LRP1B: variants seen among roughly 807,000 people sequenced by gnomAD.
LRP1B encodes LDL receptor related protein 1B.
Under a neutral mutation model 556.6 loss-of-function variants are expected in LRP1B, and 217 were observed. The ratio of observed to expected loss-of-function variants is 0.39; its 90% CI spans 0.35 to 0.44. LRP1B has a LOEUF of 0.44. Ranked by LOEUF, LRP1B falls within the 20% of genes least tolerant of loss-of-function variation. The pLI, the probability that LRP1B is intolerant of heterozygous loss-of-function variation, is 1.00. For synonymous variants in LRP1B, 2,047 were observed against 1,865.8 expected, an observed-to-expected ratio of 1.10 and a Z score of -2.50; for missense variants, 5,053 against 5,620.8, an observed-to-expected ratio of 0.90 and a Z score of 3.23.
At chr2:140,304,425 TTTCATG>T (rs949186757) in intron 83 of LRP1B, among the ~76,000 whole-genome samples, 51 of 152,340 alleles carry the variant, frequency 3.3e-4, no homozygotes, top group African/African-American at 1.2e-3. Flanking sequence ...ATGAGCATTT[TTTCATG>T]TGTCTGTTGG....
At chr2:141,705,178 G>T (rs533503940) in intron 2 of LRP1B, among the ~76,000 whole-genome samples, 1 of 152,014 alleles carries the variant, frequency 6.6e-6, no homozygotes, top group East Asian at 1.9e-4. Flanking sequence ...TTTGACTCTG[G>T]AACCACTGTA....
intron 1 of LRP1B, among the ~76,000 whole-genome samples, chr2:142,007,680 A>T (rs78534197): frequency 0.011 from 1,603 of 152,348 alleles, 10 homozygotes; most frequent in Non-Finnish European, 0.019. Context: ...GTCTTTAATT[A>T]ACTGCTACCC....
intron 2 of LRP1B, among the ~76,000 whole-genome samples, chr2:141,524,677 T>A (rs1195537036): frequency 6.6e-6 from 1 of 152,018 alleles, no homozygotes; most frequent in African/African-American, 2.4e-5. Flanking sequence ...GCAGCCCTCA[T>A]CTATGTAATT....
rs145943577 is a variant in LRP1B at position 141,104,569 on chromosome 2, G to A, written c.1014-42296C>T. ...TCTCTTATTGTGTTTCCTCTTCTCC[G>A]CTAGATTCAGTCTATAGTTCAGGTT... On this transcript the variant is annotated intron_variant, in intron 7 of 90. Coordinates refer to ENST00000389484, the MANE Select transcript of LRP1B (RefSeq NM_018557.3). Among the ~76,000 whole-genome samples the A allele has an allele frequency of 4.9e-4, 75 of 152,076 alleles. No homozygotes were observed. In the Middle Eastern group the frequency reaches 0.014, roughly 28 times the overall value.
At chr2:140,812,821 T>A (rs1288590572) in intron 32 of LRP1B, among the ~76,000 whole-genome samples, 1 of 152,086 alleles carries the variant, frequency 6.6e-6, no homozygotes, top group East Asian at 1.9e-4. Context: ...TATCATCCTG[T>A]AACCGCAAAT....
At chr2:140,414,509 T>A (rs968748852) in intron 66 of LRP1B, among the ~76,000 whole-genome samples, 15 of 152,162 alleles carry the variant, frequency 9.9e-5, no homozygotes. Context: ...CTGGTTGAGG[T>A]AATGCCTCTA....
chr2:141,969,763 T>C (rs1461688975), intron 1 of LRP1B, among the ~76,000 whole-genome samples: 1 of 151,618 alleles, frequency 6.6e-6, no homozygotes, highest in Non-Finnish European at 1.5e-5. Flanking sequence ...GGGTAAATCC[T>C]GGTAGAGGGA....
chr2:141,547,125 A>G (rs929601850), intron 2 of LRP1B, among the ~76,000 whole-genome samples: 1 of 152,198 alleles, frequency 6.6e-6, no homozygotes, highest in Non-Finnish European at 1.5e-5. Context: ...AAACGCATCT[A>G]AAACTGTACT....
intron 3 of LRP1B, among the ~76,000 whole-genome samples, chr2:141,390,587 A>G (rs758629816): frequency 2.4e-4 from 37 of 152,268 alleles, no homozygotes; most frequent in Non-Finnish European, 4.3e-4. Flanking sequence ...ACAATGTAAT[A>G]TTATTCAGAC....
intron 1 of LRP1B, among the ~76,000 whole-genome samples, chr2:142,031,851 G>C (rs1703723008): frequency 6.6e-6 from 1 of 151,754 alleles, no homozygotes; most frequent in South Asian, 2.1e-4. Context: ...TAGTGGAGTA[G>C]AATGGGCCCC....
At chr2:140,306,162 C>T (rs1049342674) in intron 83 of LRP1B, among the ~76,000 whole-genome samples, 5 of 149,130 alleles carry the variant, frequency 3.4e-5, no homozygotes, top group South Asian at 4.3e-4. Context: ...ATGATGCTGG[C>T]CTCATAAAAT....
rs1427283434 is a variant in LRP1B, at chr2:140,769,434, A to C, written c.5627-90T>G. 17 of 1,315,126 alleles carry C rather than the reference A, an allele frequency of 1.3e-5. No homozygotes were observed. In the East Asian group the frequency reaches 2.9e-4, roughly 22 times the overall value. The allele number at this position is 1,315,126 out of a possible 1,614,324, so 81.5% of individuals were successfully genotyped here. On this transcript the variant is annotated intron_variant, in intron 34 of 90. Transcript: ENST00000389484. ...AATTTCATTTGTATTATTTTTAACAATCTTAATTTATGTTAACAAATGTAT... is the reference window on the plus strand; with the variant it reads ...AATTTCATTTGTATTATTTTTAACACTCTTAATTTATGTTAACAAATGTAT...
chr2:141,056,186 A>T (rs1189148148), intron 9 of LRP1B, among the ~76,000 whole-genome samples: 1 of 151,614 alleles, frequency 6.6e-6, no homozygotes, highest in East Asian at 2.0e-4. Context: ...AATTTTTACT[A>T]ATTTTTTCCT....
intron 65 of LRP1B, among the ~76,000 whole-genome samples, chr2:140,443,945 A>G (rs904838898): frequency 6.6e-6 from 1 of 152,188 alleles, no homozygotes; most frequent in Non-Finnish European, 1.5e-5. Context: ...CTCTCTAATT[A>G]AAAATAACTT....
intron 2 of LRP1B, among the ~76,000 whole-genome samples, chr2:141,554,021 G>A: frequency 7.3e-6 from 1 of 137,578 alleles, no homozygotes; most frequent in African/African-American, 2.7e-5. Flanking sequence ...TAATAGACAA[G>A]ATATAGATTA....
At chr2:141,832,978 C>A (rs915162793) in intron 1 of LRP1B, among the ~76,000 whole-genome samples, 1 of 151,622 alleles carries the variant, frequency 6.6e-6, no homozygotes, top group Admixed American at 6.6e-5. Context: ...TTGTTACTAA[C>A]ACTATTTTTC....
intron 35 of LRP1B, among the ~76,000 whole-genome samples, chr2:140,725,143 G>C (rs531662111): frequency 1.4e-4 from 22 of 152,104 alleles, no homozygotes; most frequent in African/African-American, 5.3e-4. Context: ...AAAATTTTGA[G>C]AAATATAACA....
At chr2:140,987,351 GA>G (rs2105349857) in intron 17 of LRP1B, among the ~76,000 whole-genome samples, 1 of 152,158 alleles carries the variant, frequency 6.6e-6, no homozygotes, top group Admixed American at 6.5e-5. Context: ...GAATATTTTA[GA>G]TATCTTATTA....
At chr2:140,908,225 T>G (rs1258783945) in intron 21 of LRP1B, 148 bp from the exon 22 acceptor site, 1 of 634,402 alleles carries the variant, frequency 1.6e-6, no homozygotes, top group Admixed American at 2.9e-5. Context: ...TGACAGTTTA[T>G]TTTCATGACA....
Sources: gnomAD v4.1 joint callset for allele counts (sites outside exome capture counted in the v4.1 genomes callset) on GRCh38, gnomAD v4.1.1 for gene constraint, MANE v1.5 for transcripts, NCBI Gene and HGNC (gene_info 2026-07-23, HGNC 2026-07-21) for gene names.